TDRD12: variants seen among roughly 807,000 people sequenced by gnomAD.
TDRD12 encodes tudor domain containing 12.
TDRD12 carries 158 observed loss-of-function variants against 133.5 expected under a neutral mutation model. That is an observed-to-expected ratio of 1.18 (90% CI 1.04 to 1.35). The LOEUF (loss-of-function observed/expected upper bound fraction) is 1.35. Ranked by LOEUF, TDRD12 falls within the 40% of genes most tolerant of loss-of-function variation. TDRD12 has a pLI of 0.00. For synonymous variants in TDRD12, 460 were observed against 477.9 expected, an observed-to-expected ratio of 0.96 and a Z score of 0.49; for missense variants, 1,443 against 1,321.3, an observed-to-expected ratio of 1.09 and a Z score of -1.43.
rs1482633892 is a variant in TDRD12 at position 32,777,186 on chromosome 19, TTGAC to T, written c.1082_1085del (p.Thr361ArgfsTer12). On this transcript the variant is annotated frameshift_variant, in exon 11 of 28. Coordinates refer to ENST00000444215, the Ensembl canonical transcript of TDRD12. LOFTEE classifies it high-confidence loss of function. ...GAAGTCAAATGAGAAACCTCTTAGA[TTGAC>T]TGAGAAGAAAGAATATGATGAGAAG... The T allele has an allele frequency of 2.6e-6, 4 of 1,542,514 alleles. No homozygotes were observed. Among genetic ancestry groups the T allele is most frequent in the South Asian group, 1.2e-5 (1 of 81,706 alleles).
Position 32,827,086 on chromosome 19 carries a change from A to G in TDRD12, c.1050-78A>G, listed in dbSNP as rs564084409. 7 of 785,772 alleles carry G rather than the reference A, an allele frequency of 8.9e-6. No individual in the cohort carries two copies. In the South Asian group the frequency reaches 4.7e-4, roughly 53 times the overall value. 48.7% of individuals were successfully genotyped at this position (785,772 alleles called of 1,614,324 possible). On this transcript the variant is annotated intron_variant, in intron 9 of 9. Coordinates refer to the TDRD12 transcript ENST00000637289. ...TGGAACCCAAGGCATTTTTTTCTGCATTGACCCAAATAATGGGGGGAAATA... is the reference window on the plus strand; with the variant it reads ...TGGAACCCAAGGCATTTTTTTCTGCGTTGACCCAAATAATGGGGGGAAATA...
intron 14 of TDRD12, among the ~76,000 whole-genome samples, chr19:32,795,563 G>A (rs1045772786): frequency 1.3e-5 from 2 of 152,060 alleles, no homozygotes; most frequent in Admixed American, 6.6e-5. Context: ...CTTGTCCCGT[G>A]CTCTGCCAGT....
At chr19:32,828,956 C>A (rs1190057625) in exon 10 of TDRD12, 1 of 152,282 alleles carries the variant, frequency 6.6e-6, no homozygotes, top group Non-Finnish European at 1.5e-5. Context: ...CGCAGGGTGA[C>A]TGGCAGGTAT....
chr19:32,745,457 A>G (rs1969574331), intron 4 of TDRD12, among the ~76,000 whole-genome samples: 1 of 152,194 alleles, frequency 6.6e-6, no homozygotes, highest in South Asian at 2.1e-4. Context: ...AAAGACTAGC[A>G]ATTTATACTG....
intron 4 of TDRD12, among the ~76,000 whole-genome samples, chr19:32,746,556 T>G (rs1969637661): frequency 6.8e-6 from 1 of 145,988 alleles, no homozygotes; most frequent in African/African-American, 2.5e-5. Flanking sequence ...GACTGGCTGA[T>G]GTGGTTATTC....
intron 2 of TDRD12, among the ~76,000 whole-genome samples, chr19:32,732,696 A>G (rs1969095835): frequency 6.6e-6 from 1 of 152,210 alleles, no homozygotes; most frequent in African/African-American, 2.4e-5. Context: ...TATAATAGGA[A>G]AAGGTTTATA....
rs1186281661 is a variant in TDRD12, at chr19:32,800,756, CAG to C, written c.2065_2066del (p.Glu689AsnfsTer4). 6.5e-7 allele frequency: 1 copy of C among 1,534,506 alleles called. No homozygotes were observed. The highest frequency in any genetic ancestry group is 8.7e-7 in the Non-Finnish European group (1 of 1,146,270). On this transcript the variant is annotated frameshift_variant, in exon 18 of 28. Coordinates refer to ENST00000444215, the Ensembl canonical transcript of TDRD12. LOFTEE classifies it high-confidence loss of function. ...ATCTTCACCTGCTCTGTAGCTGAAACAGAAATAGTGTGTAAGGTGAGTCCATC... is the reference window on the plus strand; with the variant it reads ...ATCTTCACCTGCTCTGTAGCTGAAACAAATAGTGTGTAAGGTGAGTCCATC...
chr19:32,740,182 GTCTGCATCTCCTGGGTGCTC>G (rs1969374779), intron 3 of TDRD12, among the ~76,000 whole-genome samples: 1 of 50,452 alleles, frequency 2.0e-5, no homozygotes, highest in East Asian at 6.9e-4. Context: ...CCTGGGTGCT[GTCTGCATCTCCTGGGTGCTC>G]TCTGCATCTC....
At chr19:32,798,362 G>T in exon 16 of TDRD12, 1 of 1,535,886 alleles carries the variant, frequency 6.5e-7, no homozygotes, top group Non-Finnish European at 8.7e-7. Context: ...GCCTGTCAGA[G>T]CCTGCTGTTC....
intron 11 of TDRD12, among the ~76,000 whole-genome samples, chr19:32,781,920 G>A (rs1274005565): frequency 3.3e-5 from 5 of 151,656 alleles, no homozygotes; most frequent in Admixed American, 1.3e-4. Context: ...TCTGTGACTC[G>A]TATGTTGAAC....
intron 19 of TDRD12, among the ~76,000 whole-genome samples, 181 bp from the exon 20 acceptor site, chr19:32,802,475 C>T (rs1329529231): frequency 6.6e-6 from 1 of 151,934 alleles, no homozygotes; most frequent in African/African-American, 2.4e-5. Context: ...GACCACTTTT[C>T]TCTGGAATTT....
At chr19:32,806,338 T>G (rs913924778) in intron 21 of TDRD12, among the ~76,000 whole-genome samples, 1 of 26,278 alleles carries the variant, frequency 3.8e-5, no homozygotes, top group Non-Finnish European at 6.8e-5. Flanking sequence ...GAAGACCGAG[T>G]TTTTTTTTTT....
chr19:32,769,019 A>AG (rs1970372724), intron 8 of TDRD12, among the ~76,000 whole-genome samples: 1 of 152,174 alleles, frequency 6.6e-6, no homozygotes, highest in African/African-American at 2.4e-5. Context: ...CTGGGATTAT[A>AG]GGTGCAAGCC....
downstream of TDRD12, among the ~76,000 whole-genome samples, chr19:32,822,652 C>T (rs1230846343): frequency 2.6e-5 from 4 of 151,192 alleles, no homozygotes; most frequent in African/African-American, 9.7e-5. Context: ...GAGGCTGAGG[C>T]AGGAGAAGGG....
chr19:32,796,839 C>T (rs1971242313), intron 14 of TDRD12, among the ~76,000 whole-genome samples: 1 of 152,056 alleles, frequency 6.6e-6, no homozygotes, highest in Admixed American at 6.6e-5. Flanking sequence ...CCACCTGGAT[C>T]TGTATGAATG....
intron 2 of TDRD12, 57 bp downstream of exon 2, chr19:32,731,940 A>T: frequency 7.0e-7 from 1 of 1,429,224 alleles, no homozygotes; most frequent in East Asian, 2.6e-5. Context: ...CAAAATATAA[A>T]CTATTTTGGC....
intron 21 of TDRD12, among the ~76,000 whole-genome samples, chr19:32,804,632 G>A (rs544205761): frequency 1.3e-5 from 2 of 151,222 alleles, no homozygotes; most frequent in African/African-American, 4.9e-5. Context: ...GGCAGAGGTT[G>A]CAGTGAGCTG....
At chr19:32,746,756 G>A (rs546716997) in intron 4 of TDRD12, among the ~76,000 whole-genome samples, 506 of 150,138 alleles carry the variant, frequency 3.4e-3, no homozygotes, top group African/African-American at 0.011. Flanking sequence ...GAGAGAGACG[G>A]GGAGAGAGAC....
intron 11 of TDRD12, among the ~76,000 whole-genome samples, chr19:32,778,342 C>G (rs1409777812): frequency 5.9e-5 from 9 of 152,118 alleles, no homozygotes; most frequent in East Asian, 3.9e-4. Flanking sequence ...CTGACACCCC[C>G]CTCCCAGGGC....
Sources: allele counts gnomAD v4.1 joint callset (sites outside exome capture counted in the v4.1 genomes callset), GRCh38; gene constraint gnomAD v4.1.1; transcripts MANE v1.5; gene names NCBI Gene and HGNC (gene_info 2026-07-23, HGNC 2026-07-21).